Variants in FSCN1 observed in about 807,000 individuals in gnomAD.
FSCN1 encodes the protein fascin.
FSCN1 carries 10 observed loss-of-function variants against 39.7 expected under a neutral mutation model. The ratio of observed to expected loss-of-function variants is 0.25; its 90% confidence interval spans 0.16 to 0.43. The LOEUF is 0.43. Among genes scored for constraint, FSCN1 ranks in the 20% least tolerant of loss-of-function variants. FSCN1 has a pLI of 1.00. For missense variants in FSCN1, 525 were observed against 723.8 expected (o/e 0.73, Z 3.15); for synonymous variants, 322 against 320.0 (o/e 1.01, Z -0.07).
rs1785656394 is a variant in FSCN1 at position 5,592,842 on chromosome 7, G to A, written c.-95G>A. On this transcript the variant is annotated 5_prime_UTR_variant, in exon 1 of 5. Coordinates refer to ENST00000382361, the MANE Select transcript of FSCN1 (RefSeq NM_003088.4). This position sits in a 1 kb window ranked among gnomAD's most constrained non-coding sequence, Gnocchi z 5.3. The stretch of plus-strand genomic sequence containing the variant: ...TGGAGCGCTGCGGAGGGTGCGTGCG[G>A]GCCGCGGCAGCCGAACAAAGGAGCA... 2 of 713,204 alleles carry A rather than the reference G, an allele frequency of 2.8e-6. No individual in the cohort carries two copies. The highest frequency in any genetic ancestry group is 2.0e-5 in the South Asian group (1 of 50,696). 44.2% of individuals were successfully genotyped at this position (713,204 alleles called of 1,614,324 possible). A position where few individuals can be genotyped will look rare whatever the true frequency, so the allele number is the denominator to read the frequency against.
chr7:5,598,980 TC>T (rs1040171418), intron 1 of FSCN1, among the ~76,000 whole-genome samples: 2 of 152,258 alleles, frequency 1.3e-5, no homozygotes, highest in African/African-American at 4.8e-5. Flanking sequence ...GCCTGACGGC[TC>T]CCTGCAGCCC....
intron 1 of FSCN1, among the ~76,000 whole-genome samples, chr7:5,595,590 A>T (rs1438345040): frequency 6.6e-6 from 1 of 152,202 alleles, no homozygotes; most frequent in Admixed American, 6.5e-5. Flanking sequence ...CTGAAGGATG[A>T]ATAGAAGGTG....
At chr7:5,594,103 G>C (rs1785685562) in intron 1 of FSCN1, 1 of 298,608 alleles carries the variant, frequency 3.3e-6, no homozygotes, top group Non-Finnish European at 5.9e-6. Context: ...CGGATCAGCT[G>C]TCCCAGCTCT....
rs1406734380 is a variant in FSCN1 at position 5,606,437 on chromosome 7, C to T, written c.*963C>T. ...CTGCTGTGATTGGTGCTCCCTGGGC[C>T]TCCCGGGTGGATGAAGCCAGGCGTC... On this transcript the variant is annotated 3_prime_UTR_variant, in exon 5 of 5. Coordinates refer to ENST00000382361, the MANE Select transcript of FSCN1 (RefSeq NM_003088.4). This position sits in a 1 kb window ranked among gnomAD's most constrained non-coding sequence, Gnocchi z 5.1. The T allele has an allele frequency of 6.6e-6, 1 of 152,058 alleles. No individual in the cohort carries two copies. Among genetic ancestry groups the T allele is most frequent in the African/African-American group, 2.4e-5 (1 of 41,404 alleles). The allele number at this position is 152,058 out of a possible 1,614,324, so 9.4% of individuals were successfully genotyped here.
At chr7:5,595,592 T>C (rs1284786032) in intron 1 of FSCN1, among the ~76,000 whole-genome samples, 1 of 152,138 alleles carries the variant, frequency 6.6e-6, no homozygotes, top group Non-Finnish European at 1.5e-5. Context: ...GAAGGATGAA[T>C]AGAAGGTGGC....
Position 5,593,313 on chromosome 7 carries a change from T to C in FSCN1, c.377T>C (p.Val126Ala). ...CGCCTGTCCTGCTTCGCGCAGACGGTGTCCCCCGCCGAGAAGTGGAGCGTG... is the reference window on the plus strand; with the variant it reads ...CGCCTGTCCTGCTTCGCGCAGACGGCGTCCCCCGCCGAGAAGTGGAGCGTG... The part of the protein sequence containing the change: ...EDRLSCFAQT[V>A]SPAEKWSVHI... Residue 126 changes from valine to alanine, a missense_variant, in exon 1 of 5, where the codon GTG becomes GCG. Val to Ala is a moderately conservative substitution (Grantham distance 64). Around this residue, in one of 3 missense-constraint regions of FSCN1, gnomAD observed 246 missense variants for 350.6 expected, o/e 0.70. Transcript: ENST00000382361. 8 of 1,611,150 alleles carry C rather than the reference T, an allele frequency of 5.0e-6. No homozygotes were observed. The highest frequency in any genetic ancestry group is 6.8e-6 in the Non-Finnish European group (8 of 1,179,262).
intron 1 of FSCN1, among the ~76,000 whole-genome samples, chr7:5,600,716 C>T (rs1417010126): frequency 1.3e-5 from 2 of 149,034 alleles, no homozygotes; most frequent in East Asian, 2.0e-4. Flanking sequence ...TGCAGTGGCG[C>T]GATCTTGGCT....
Position 5,593,563 on chromosome 7 carries a change from C to A in FSCN1, c.627C>A (p.Ala209=), listed in dbSNP as rs1171287142. 1 of 1,580,892 alleles carries A rather than the reference C, an allele frequency of 6.3e-7. No homozygotes were observed. Among genetic ancestry groups the A allele is most frequent in the Non-Finnish European group, 8.6e-7 (1 of 1,169,348 alleles). Residue 209 remains alanine, a synonymous_variant, in exon 1 of 5, where the codon GCC becomes GCA. Coordinates refer to ENST00000382361, the MANE Select transcript of FSCN1 (RefSeq NM_003088.4). ...DGRLVARPEP[A]TGYTLEFRSG... ...GCCTGGTGGCGCGCCCCGAGCCGGC[C>A]ACTGGCTACACGCTGGAGTTCCGCT...
chr7:5,596,150 G>A (rs562013216), intron 1 of FSCN1, among the ~76,000 whole-genome samples: 1 of 152,118 alleles, frequency 6.6e-6, no homozygotes, highest in South Asian at 2.1e-4. Context: ...AGTCTGCAGG[G>A]GTGGGCGTGG....
chr7:5,602,725 T>C (rs1158587645), intron 1 of FSCN1: 1 of 158,134 alleles, frequency 6.3e-6, no homozygotes, highest in African/African-American at 2.4e-5. Context: ...TGAGACAGGG[T>C]CTCACTGTGT....
At position 5,603,760 on chromosome 7, in the gene FSCN1, G is replaced by GCTA. The variant is rs1554337284; in HGVS notation, c.1112-103_1112-102insCTA. 3.5e-6 allele frequency: 5 copies of GCTA among 1,433,940 alleles called. No homozygotes were observed. The Admixed American group carries it at 7.6e-5, about 22-fold the overall frequency. The allele number at this position is 1,433,940 out of a possible 1,614,324, so 88.8% of individuals were successfully genotyped here. ...TGGCCCCGCACTGTCCTACCCTGGGGACTGCTGTGTGACCCCAGCTCCTGG... is the reference window on the plus strand; with the variant it reads ...TGGCCCCGCACTGTCCTACCCTGGGGCTAACTGCTGTGTGACCCCAGCTCCTGG... On this transcript the variant is annotated intron_variant, in intron 3 of 4. Transcript: ENST00000382361. This position sits in a 1 kb window ranked among gnomAD's most constrained non-coding sequence, Gnocchi z 8.5.
At chr7:5,593,807 C>A in intron 1 of FSCN1, 39 bp downstream of exon 1, 1 of 1,322,576 alleles carries the variant, frequency 7.6e-7, no homozygotes. Context: ...CTGGTCCGTG[C>A]ACAAAGCGCA....
At chr7:5,601,734 G>T (rs1785834938) in intron 1 of FSCN1, among the ~76,000 whole-genome samples, 1 of 152,060 alleles carries the variant, frequency 6.6e-6, no homozygotes, top group African/African-American at 2.4e-5. Flanking sequence ...CAGCTATTTG[G>T]GAGGCTGAGG....
intron 4 of FSCN1, among the ~76,000 whole-genome samples, chr7:5,604,602 G>T (rs139645038): frequency 6.6e-6 from 1 of 151,790 alleles, no homozygotes; most frequent in Non-Finnish European, 1.5e-5. Flanking sequence ...CCAAGTAGCT[G>T]GGATTACAGG....
At chr7:5,594,556 G>C (rs1396222139) in intron 1 of FSCN1, 1 of 152,256 alleles carries the variant, frequency 6.6e-6, no homozygotes, top group African/African-American at 2.4e-5. Flanking sequence ...CGGCTTTTGC[G>C]GTTCACCCCT....
At chr7:5,594,143 T>G in intron 1 of FSCN1, 1 of 200,488 alleles carries the variant, frequency 5.0e-6, no homozygotes, top group Non-Finnish European at 9.7e-6. Context: ...ACCCATTTCC[T>G]CGTGCCCCTC....
In FSCN1 at chr7:5,592,953, C is replaced by G. The variant is rs748737372; in HGVS notation, c.17C>G (p.Thr6Arg). 6 of 1,552,932 alleles carry G rather than the reference C, an allele frequency of 3.9e-6. No homozygotes were observed. The highest frequency in any genetic ancestry group is 5.2e-6 in the Non-Finnish European group (6 of 1,149,108). The change falls in exon 1 of 5, where the codon ACA (threonine) becomes AGA (arginine). Residue 6 changes from threonine to arginine, a missense_variant. Physicochemically the swap from Thr to Arg is moderately conservative, Grantham distance 71 (BLOSUM62 -1). This residue lies in a region of FSCN1 where 246 missense variants were observed against 350.6 expected (regional missense o/e 0.70). Coordinates refer to ENST00000382361, the MANE Select transcript of FSCN1 (RefSeq NM_003088.4). This position sits in a 1 kb window ranked among gnomAD's most constrained non-coding sequence, Gnocchi z 5.3. ...ACTGCCACCATGACCGCCAACGGCA[C>G]AGCCGAGGCGGTGCAGATCCAGTTC... MTANG[T>R]AEAVQIQFGL...
rs201645418 is a variant in FSCN1, at chr7:5,603,292, G to A, written c.868G>A (p.Asp290Asn). The change falls in exon 2 of 5, where the codon GAC becomes AAC. Residue 290 changes from aspartate (D) to asparagine (N), a missense_variant. Asp to Asn is a conservative substitution (Grantham distance 23). Around this residue, in one of 3 missense-constraint regions of FSCN1, gnomAD observed 275 missense variants for 351.9 expected, o/e 0.78. Coordinates refer to ENST00000382361, the MANE Select transcript of FSCN1 (RefSeq NM_003088.4). This position sits in a 1 kb window ranked among gnomAD's most constrained non-coding sequence, Gnocchi z 8.5. ...DLSANQDEET[D>N]QETFQLEIDR... ...GTCTGCCAATCAGGACGAGGAGACC[G>A]ACCAGGAGACCTTCCAGCTGGAGAT... is the stretch of plus-strand genomic sequence containing the variant. 78 of 1,612,650 alleles carry A rather than the reference G, an allele frequency of 4.8e-5. No individual in the cohort carries two copies. The highest frequency in any genetic ancestry group is 8.5e-6 in the Non-Finnish European group (10 of 1,180,014).
chr7:5,595,877 C>T (rs970219824), intron 1 of FSCN1, among the ~76,000 whole-genome samples: 14 of 152,224 alleles, frequency 9.2e-5, no homozygotes, highest in East Asian at 5.8e-4. Context: ...GTGTTTTTGG[C>T]GAGCCTGGGC....
Sources: gnomAD v4.1 joint callset for allele counts (sites outside exome capture counted in the v4.1 genomes callset) on GRCh38, gnomAD v4.1.1 for gene constraint, gnomAD v4.1.1 regional missense constraint, Gnocchi (gnomAD v3.1) non-coding constraint, MANE v1.5 for transcripts, NCBI Gene and HGNC (gene_info 2026-07-23, HGNC 2026-07-21) for gene names.